Variants in TBCK observed in about 807,000 individuals in gnomAD.
The protein encoded by TBCK is TBC1 domain containing kinase.
A neutral mutation model predicts 113.4 loss-of-function variants in TBCK; 99 were observed. The observed-to-expected ratio is 0.87, with a 90% CI of 0.74 to 1.03. The LOEUF (loss-of-function observed/expected upper bound fraction) is 1.03. Among genes scored for constraint, TBCK ranks in the 50% least tolerant of loss-of-function variants. TBCK has a pLI of 0.00. For synonymous variants in TBCK, 369 were observed against 370.8 expected, an observed-to-expected ratio of 1.00 and a Z score of 0.05; for missense variants, 1,045 against 1,061.3, an observed-to-expected ratio of 0.98 and a Z score of 0.21.
chr4:106,248,565 T>TTTAG, intron 8 of TBCK, among the ~76,000 whole-genome samples: 1 of 152,292 alleles, frequency 6.6e-6, no homozygotes, highest in Admixed American at 6.5e-5. Context: ...CCCTCCAAAG[T>TTTAG]TTAGGCTTCA....
chr4:106,212,623 A>C (rs1365505801), intron 20 of TBCK, 127 bp downstream of exon 20: 3 of 630,038 alleles, frequency 4.8e-6, no homozygotes, highest in Admixed American at 5.7e-5. Context: ...CAAGGCTACA[A>C]TTAGTAGCAG....
At chr4:106,210,516 T>G (rs886525619) in intron 20 of TBCK, among the ~76,000 whole-genome samples, 1 of 152,080 alleles carries the variant, frequency 6.6e-6, no homozygotes, top group Non-Finnish European at 1.5e-5. Context: ...ATCTGAAAGG[T>G]TCCCTGACTT....
intron 23 of TBCK, among the ~76,000 whole-genome samples, chr4:106,157,004 C>A (rs1389784867): frequency 6.6e-6 from 1 of 152,168 alleles, no homozygotes; most frequent in Non-Finnish European, 1.5e-5. Flanking sequence ...GAGTGGCATA[C>A]TACCTGGGTA....
chr4:106,204,545 A>G (rs1755231696), intron 20 of TBCK, among the ~76,000 whole-genome samples: 1 of 152,210 alleles, frequency 6.6e-6, no homozygotes, highest in Non-Finnish European at 1.5e-5. Context: ...AAGTATAATA[A>G]TGGTCATGTG....
At chr4:106,129,447 A>C (rs1218771218) in intron 23 of TBCK, among the ~76,000 whole-genome samples, 2 of 152,194 alleles carry the variant, frequency 1.3e-5, no homozygotes, top group Non-Finnish European at 2.9e-5. Context: ...AGCTAGATGA[A>C]GCACTTCTTA....
At chr4:106,232,449 T>C (rs1315932215) in intron 17 of TBCK, among the ~76,000 whole-genome samples, 4 of 151,714 alleles carry the variant, frequency 2.6e-5, no homozygotes, top group African/African-American at 9.7e-5. Context: ...TCTCATTCTT[T>C]ATCAAACACA....
intron 24 of TBCK, 86 bp from the exon 25 acceptor site, chr4:106,095,727 A>AAGAT (rs1740824634): frequency 2.5e-6 from 3 of 1,186,312 alleles, no homozygotes; most frequent in Non-Finnish European, 3.5e-6. Context: ...TGACTCCCAG[A>AAGAT]AGATAGTACT....
At chr4:106,171,363 A>C (rs904780166) in intron 22 of TBCK, 93 bp from the exon 23 acceptor site, 1 of 901,458 alleles carries the variant, frequency 1.1e-6, no homozygotes, top group Admixed American at 2.9e-5. Flanking sequence ...AATATATCTA[A>C]ATATGGCTAA....
chr4:106,251,043 C>A (rs1579398029), intron 6 of TBCK: 1 of 191,406 alleles, frequency 5.2e-6, no homozygotes, highest in Non-Finnish European at 1.1e-5. Flanking sequence ...CCTCAGGAGG[C>A]TCCTTAGTAT....
At chr4:106,308,673 C>T (rs1767811263) in intron 2 of TBCK, 95 bp downstream of exon 2, 1 of 1,163,452 alleles carries the variant, frequency 8.6e-7, no homozygotes, top group East Asian at 2.5e-5. Flanking sequence ...TGCACTGGTA[C>T]TGATGATAGC....
At chr4:106,159,661 T>G (rs1749533082) in intron 23 of TBCK, among the ~76,000 whole-genome samples, 2 of 152,114 alleles carry the variant, frequency 1.3e-5, no homozygotes, top group South Asian at 4.1e-4. Flanking sequence ...CAAGCCACGT[T>G]TATGGATTGA....
At chr4:106,280,967 A>G (rs1489403207) in intron 3 of TBCK, among the ~76,000 whole-genome samples, 1 of 152,048 alleles carries the variant, frequency 6.6e-6, no homozygotes, top group African/African-American at 2.4e-5. Context: ...AAAGAATGTC[A>G]TTGGTATTTT....
At chr4:106,103,589 A>G (rs910326490) in intron 24 of TBCK, among the ~76,000 whole-genome samples, 3 of 152,256 alleles carry the variant, frequency 2.0e-5, no homozygotes, top group Non-Finnish European at 2.9e-5. Flanking sequence ...TCAGTTTATC[A>G]GTAAAACAGA....
rs979298400 is a variant in TBCK at position 106,043,159 on chromosome 4, T to G, written c.*3411A>C. 3.3e-5 allele frequency: 5 copies of G among 152,224 alleles called. No homozygotes were observed. The highest frequency in any genetic ancestry group is 5.9e-5 in the Non-Finnish European group (4 of 68,038). The allele number at this position is 152,224 out of a possible 1,614,324, so 9.4% of individuals were successfully genotyped here. ...ATCAAAAAACTTCTTTCTTTCAAAC[T>G]TGGTTAAGCATTAGTTATTTTTAAT... On this transcript the variant is annotated 3_prime_UTR_variant, in exon 26 of 26. Coordinates refer to ENST00000394708, the MANE Select transcript of TBCK (RefSeq NM_001163435.3).
chr4:106,296,786 G>T (rs1349737731), intron 2 of TBCK, among the ~76,000 whole-genome samples: 2 of 151,718 alleles, frequency 1.3e-5, no homozygotes, highest in East Asian at 3.9e-4. Context: ...AGGTGAGCAG[G>T]AATATTTAAC....
chr4:106,096,873 C>T (rs1395535079), intron 24 of TBCK, among the ~76,000 whole-genome samples: 2 of 152,072 alleles, frequency 1.3e-5, no homozygotes, highest in South Asian at 2.1e-4. Flanking sequence ...TGTTCAGCCA[C>T]GTATTAGAAA....
intron 19 of TBCK, among the ~76,000 whole-genome samples, chr4:106,224,659 A>G (rs1312131488): frequency 1.3e-5 from 2 of 152,206 alleles, no homozygotes; most frequent in African/African-American, 4.8e-5. Flanking sequence ...ATCAAACTTT[A>G]GTAACCAATA....
At chr4:106,135,152 T>G (rs568479001) in intron 23 of TBCK, among the ~76,000 whole-genome samples, 1 of 151,988 alleles carries the variant, frequency 6.6e-6, no homozygotes, top group Admixed American at 6.6e-5. Flanking sequence ...CCTCAAAGAC[T>G]CCACAATCCA....
intron 22 of TBCK, among the ~76,000 whole-genome samples, chr4:106,176,591 CTT>C (rs1560766256): frequency 6.6e-6 from 1 of 152,096 alleles, no homozygotes; most frequent in East Asian, 1.9e-4. Context: ...TTGATAGACA[CTT>C]AAGTTGATTC....
Sources: allele counts gnomAD v4.1 joint callset (sites outside exome capture counted in the v4.1 genomes callset), GRCh38; gene constraint gnomAD v4.1.1; transcripts MANE v1.5; gene names NCBI Gene and HGNC (gene_info 2026-07-23, HGNC 2026-07-21).